The following NAPB variants were observed in gnomAD, a reference collection of about 807,000 sequenced individuals.
NAPB encodes the protein NSF attachment protein beta, also known as beta-soluble NSF attachment protein.
In NAPB, 26 loss-of-function variants were observed where a neutral mutation model predicts 44.7. That is an observed-to-expected ratio of 0.58 (90% CI 0.43 to 0.81). The LOEUF (loss-of-function observed/expected upper bound fraction) is 0.81, where lower values mean the gene tolerates loss of function less well. NAPB is among the 30% of genes least tolerant of loss of function. NAPB has a pLI of 0.00. For synonymous variants in NAPB, 120 were observed against 116.8 expected, an observed-to-expected ratio of 1.03 and a Z score of -0.18; for missense variants, 315 against 356.4, an observed-to-expected ratio of 0.88 and a Z score of 0.94.
At chr20:23,402,845 A>G (rs926603984) in intron 2 of NAPB, 148 bp downstream of exon 2, 3 of 634,528 alleles carry the variant, frequency 4.7e-6, no homozygotes, top group African/African-American at 1.8e-5. Context: ...TAGTCTCCAT[A>G]TGTCAGTAGC....
At chr20:23,386,525 C>T (rs1300040377) in intron 7 of NAPB, among the ~76,000 whole-genome samples, 1 of 152,164 alleles carries the variant, frequency 6.6e-6, no homozygotes, top group African/African-American at 2.4e-5. Context: ...TGAACATAGA[C>T]ATAAAATCCT....
At chr20:23,407,022 G>A (rs1162434734) in intron 1 of NAPB, among the ~76,000 whole-genome samples, 2 of 152,136 alleles carry the variant, frequency 1.3e-5, no homozygotes, top group East Asian at 3.9e-4. Flanking sequence ...AGAGGACAAT[G>A]GCTTATCCAA....
intron 5 of NAPB, among the ~76,000 whole-genome samples, chr20:23,393,822 T>C (rs1438857813): frequency 6.6e-6 from 1 of 152,168 alleles, no homozygotes; most frequent in Non-Finnish European, 1.5e-5. Flanking sequence ...ACGGGGAAGT[T>C]AGCCATGTGG....
intron 1 of NAPB, among the ~76,000 whole-genome samples, chr20:23,411,644 A>G (rs1051998961): frequency 2.6e-5 from 4 of 152,050 alleles, no homozygotes; most frequent in Non-Finnish European, 5.9e-5. Flanking sequence ...AGCTTAAAAA[A>G]AAAGGGATAT....
chr20:23,392,260 A>AT (rs1191556052), intron 5 of NAPB, among the ~76,000 whole-genome samples: 1 of 148,092 alleles, frequency 6.8e-6, no homozygotes, highest in Non-Finnish European at 1.5e-5. Flanking sequence ...TTCCAAAGAA[A>AT]TATTTTCTTC....
chr20:23,390,859 C>T (rs967889571), intron 5 of NAPB, among the ~76,000 whole-genome samples: 2 of 152,230 alleles, frequency 1.3e-5, no homozygotes, highest in African/African-American at 4.8e-5. Flanking sequence ...AGACTACACA[C>T]ACTAATACCT....
chr20:23,384,793 A>G (rs1480950232), intron 7 of NAPB, among the ~76,000 whole-genome samples: 3 of 152,138 alleles, frequency 2.0e-5, no homozygotes, highest in Non-Finnish European at 2.9e-5. Flanking sequence ...AAATACACCA[A>G]TTGAAAAACA....
At chr20:23,380,166 C>T (rs1209674275) in intron 8 of NAPB, among the ~76,000 whole-genome samples, 1 of 152,218 alleles carries the variant, frequency 6.6e-6, no homozygotes, top group Non-Finnish European at 1.5e-5. Context: ...GCTGAGAAGA[C>T]ATTGTAAATG....
intron 1 of NAPB, among the ~76,000 whole-genome samples, chr20:23,410,762 G>T (rs1985598380): frequency 1.3e-5 from 2 of 151,868 alleles, no homozygotes; most frequent in Non-Finnish European, 1.5e-5. Flanking sequence ...AAAGAAACAA[G>T]AATTAAAATA....
At chr20:23,415,744 A>G (rs1007617326) in intron 1 of NAPB, among the ~76,000 whole-genome samples, 6 of 152,134 alleles carry the variant, frequency 3.9e-5, no homozygotes, top group African/African-American at 1.4e-4. Flanking sequence ...AGCAGAGCAG[A>G]TCGCTTGAGT....
intron 1 of NAPB, among the ~76,000 whole-genome samples, chr20:23,420,182 G>A (rs540410314): frequency 3.9e-5 from 6 of 152,126 alleles, no homozygotes; most frequent in East Asian, 3.9e-4. Context: ...GAATTCTTCC[G>A]GGCTGTCAGT....
rs909130080 is a variant in NAPB, at chr20:23,421,465, C to T, written c.-63G>A. On this transcript the variant is annotated 5_prime_UTR_variant, in exon 1 of 11. Transcript: ENST00000377026. ...TCGCTGTGCGCCCAGGCGCCTTAACCCTCCCTCTGGCGGCCGCAGGGACGC... is the reference window on the plus strand; with the variant it reads ...TCGCTGTGCGCCCAGGCGCCTTAACTCTCCCTCTGGCGGCCGCAGGGACGC... 1 of 1,452,236 alleles carries T rather than the reference C, an allele frequency of 6.9e-7. No homozygotes were observed. The highest frequency in any genetic ancestry group is 1.3e-5 in the South Asian group (1 of 79,454). 90.0% of individuals were successfully genotyped at this position (1,452,236 alleles called of 1,614,324 possible).
At chr20:23,382,975 C>T (rs1203994) in intron 7 of NAPB, among the ~76,000 whole-genome samples, 12,051 of 151,842 alleles carry the variant, frequency 0.079, 1,119 homozygotes, top group African/African-American at 0.22. Flanking sequence ...GTCAACATGG[C>T]GAAACCTTGT....
chr20:23,407,419 C>T (rs893688854), intron 1 of NAPB, among the ~76,000 whole-genome samples: 2 of 152,016 alleles, frequency 1.3e-5, no homozygotes, highest in African/African-American at 4.8e-5. Flanking sequence ...ACTCAATTGA[C>T]ATTAAGAAGC....
intron 7 of NAPB, among the ~76,000 whole-genome samples, chr20:23,383,156 CAAAAAAAAAAA>C (rs34238446): frequency 2.6e-3 from 203 of 76,722 alleles, no homozygotes; most frequent in African/African-American, 0.01. Flanking sequence ...GACTCGGTCT[CAAAAAAAAAAA>C]AAAAAAAAAA....
At chr20:23,418,742 C>G (rs1038909980) in intron 1 of NAPB, among the ~76,000 whole-genome samples, 1 of 151,074 alleles carries the variant, frequency 6.6e-6, no homozygotes, top group Non-Finnish European at 1.5e-5. Flanking sequence ...TCGAGACCAG[C>G]CTGGCCAACA....
At chr20:23,403,860 T>C (rs1451994060) in intron 1 of NAPB, among the ~76,000 whole-genome samples, 1 of 152,170 alleles carries the variant, frequency 6.6e-6, no homozygotes, top group African/African-American at 2.4e-5. Flanking sequence ...TATGAGAAAG[T>C]GGCACGACAT....
intron 1 of NAPB, among the ~76,000 whole-genome samples, chr20:23,420,136 C>T (rs904710827): frequency 1.3e-5 from 2 of 152,188 alleles, no homozygotes; most frequent in African/African-American, 4.8e-5. Flanking sequence ...CTTTCTCATC[C>T]TAAACAGCTG....
chr20:23,400,080 G>A (rs1984717399), intron 2 of NAPB, among the ~76,000 whole-genome samples: 1 of 152,056 alleles, frequency 6.6e-6, no homozygotes, highest in African/African-American at 2.4e-5. Context: ...AGGCTCTTCT[G>A]GGCTACCTCC....
Sources: allele counts gnomAD v4.1 joint callset (sites outside exome capture counted in the v4.1 genomes callset), GRCh38; gene constraint gnomAD v4.1.1; transcripts MANE v1.5; gene names NCBI Gene and HGNC (gene_info 2026-07-23, HGNC 2026-07-21).